The following CALN1 variants were observed in gnomAD, a reference collection of about 807,000 sequenced individuals.
CALN1 encodes calcium-binding protein 8.
Under a neutral mutation model 30.6 loss-of-function variants are expected in CALN1, and 17 were observed. The ratio of observed to expected loss-of-function variants is 0.56; its 90% CI spans 0.38 to 0.83. The LOEUF (loss-of-function observed/expected upper bound fraction) is 0.83. Among genes scored for constraint, CALN1 ranks in the 40% least tolerant of loss-of-function variants. The pLI is 0.00. For synonymous variants in CALN1, 156 were observed against 131.4 expected (o/e 1.19, Z -1.28); for missense variants, 291 against 354.9 (o/e 0.82, Z 1.45).
chr7:71,897,018 C>T (rs1456082473), intron 5 of CALN1, among the ~76,000 whole-genome samples: 1 of 152,136 alleles, frequency 6.6e-6, no homozygotes, highest in Non-Finnish European at 1.5e-5. Flanking sequence ...AGACCCCCAT[C>T]TCAGTCTAGC....
intron 5 of CALN1, among the ~76,000 whole-genome samples, chr7:71,921,501 G>T (rs1481579918): frequency 6.6e-6 from 1 of 151,886 alleles, no homozygotes; most frequent in Non-Finnish European, 1.5e-5. Context: ...CTGAAATATT[G>T]CAATTATATA....
chr7:71,879,643 C>G (rs1226333045), intron 5 of CALN1, among the ~76,000 whole-genome samples: 1 of 152,184 alleles, frequency 6.6e-6, no homozygotes, highest in Non-Finnish European at 1.5e-5. Context: ...GGAAAAGATA[C>G]TCTGAAGAGC....
chr7:71,893,739 G>C (rs1388723731), intron 5 of CALN1, among the ~76,000 whole-genome samples: 1 of 151,758 alleles, frequency 6.6e-6, no homozygotes, highest in African/African-American at 2.4e-5. Context: ...CAAACTCTGA[G>C]GCTATTCTCG....
intron 5 of CALN1, among the ~76,000 whole-genome samples, chr7:71,858,494 A>G (rs1227162951): frequency 6.8e-6 from 1 of 147,558 alleles, no homozygotes; most frequent in African/African-American, 2.7e-5. Flanking sequence ...GATAGCTACA[A>G]AGAGTAAAGA....
intron 4 of CALN1, among the ~76,000 whole-genome samples, chr7:72,038,292 T>G (rs888170359): frequency 6.6e-6 from 1 of 152,118 alleles, no homozygotes; most frequent in Non-Finnish European, 1.5e-5. Context: ...TCCTGGAAGT[T>G]TCAGGTCTCC....
chr7:72,400,190 C>A (rs1355929154), intron 2 of CALN1, among the ~76,000 whole-genome samples: 7 of 152,158 alleles, frequency 4.6e-5, no homozygotes, highest in African/African-American at 1.7e-4. Context: ...ATTCCCCCTC[C>A]CCATCTTCTG....
At chr7:72,406,041 A>T (rs564475872) in intron 1 of CALN1, among the ~76,000 whole-genome samples, 131 of 152,284 alleles carry the variant, frequency 8.6e-4, no homozygotes, top group Non-Finnish European at 1.4e-3. Context: ...CCCGTAAGGA[A>T]CAATCGCTCC....
intron 5 of CALN1, among the ~76,000 whole-genome samples, chr7:71,956,579 A>T (rs985914245): frequency 1.3e-5 from 2 of 151,482 alleles, no homozygotes; most frequent in Admixed American, 1.3e-4. Context: ...CTCCAGCCTC[A>T]GCCTCCCAAA....
chr7:72,280,613 T>C (rs1163371051), intron 2 of CALN1, among the ~76,000 whole-genome samples: 1 of 152,200 alleles, frequency 6.6e-6, no homozygotes, highest in Non-Finnish European at 1.5e-5. Context: ...TACTCTATCT[T>C]TTCCTTAAGG....
At chr7:71,863,058 G>A (rs1483747780) in intron 5 of CALN1, among the ~76,000 whole-genome samples, 1 of 151,954 alleles carries the variant, frequency 6.6e-6, no homozygotes, top group African/African-American at 2.4e-5. Context: ...CTAGGAGTTT[G>A]AGACCAGCCT....
chr7:72,280,672 C>G (rs1312589809), intron 2 of CALN1, among the ~76,000 whole-genome samples: 1 of 152,156 alleles, frequency 6.6e-6, no homozygotes, highest in Non-Finnish European at 1.5e-5. Flanking sequence ...TGAGTACGGA[C>G]TGATACCCAC....
Position 71,781,659 on chromosome 7 carries a change from A to G in CALN1, c.*6116T>C, listed in dbSNP as rs141893466. 50 of 152,356 alleles carry G rather than the reference A, an allele frequency of 3.3e-4. No individual in the cohort carries two copies. The highest frequency in any genetic ancestry group is 1.2e-3 in the African/African-American group (48 of 41,590). The allele number at this position is 152,356 out of a possible 1,614,324, so 9.4% of individuals were successfully genotyped here. A position where few individuals can be genotyped will look rare whatever the true frequency, so the allele number is the denominator to read the frequency against. On this transcript the variant is annotated 3_prime_UTR_variant, in exon 7 of 7. Coordinates refer to ENST00000395275, the MANE Select transcript of CALN1 (RefSeq NM_031468.4). Reference sequence around the variant, plus strand: ...TCCTTCCTAATTAGCCTGCTCTTCTATCCCACTGGAAAATTCCAGCCTCTG... The same window carrying G: ...TCCTTCCTAATTAGCCTGCTCTTCTGTCCCACTGGAAAATTCCAGCCTCTG...
At chr7:71,886,767 C>T (rs1792933543) in intron 5 of CALN1, among the ~76,000 whole-genome samples, 3 of 139,504 alleles carry the variant, frequency 2.2e-5, no homozygotes, top group Admixed American at 2.1e-4. Flanking sequence ...AAGTGAGACT[C>T]CATCTCAAAA....
intron 5 of CALN1, among the ~76,000 whole-genome samples, chr7:71,812,426 A>T (rs1227947036): frequency 6.6e-6 from 1 of 152,218 alleles, no homozygotes; most frequent in African/African-American, 2.4e-5. Flanking sequence ...CTGTAATACG[A>T]TAGCAAAACA....
intron 5 of CALN1, among the ~76,000 whole-genome samples, chr7:71,954,622 A>G (rs1796865094): frequency 6.6e-6 from 1 of 152,246 alleles, no homozygotes; most frequent in South Asian, 2.1e-4. Flanking sequence ...ACTGTACTCC[A>G]GCTTGAGTGA....
chr7:71,934,832 A>G (rs1795744912), intron 5 of CALN1, among the ~76,000 whole-genome samples: 1 of 152,208 alleles, frequency 6.6e-6, no homozygotes, highest in East Asian at 1.9e-4. Flanking sequence ...GGTGGAAGGC[A>G]AGGAGGAGCA....
At chr7:72,082,580 T>C (rs1584905398) in intron 4 of CALN1, among the ~76,000 whole-genome samples, 1 of 152,138 alleles carries the variant, frequency 6.6e-6, no homozygotes, top group Non-Finnish European at 1.5e-5. Flanking sequence ...GTGAGCAAAA[T>C]GTCAGCATGG....
At chr7:71,944,912 A>G (rs1489481413) in intron 5 of CALN1, among the ~76,000 whole-genome samples, 4 of 152,142 alleles carry the variant, frequency 2.6e-5, no homozygotes, top group Non-Finnish European at 4.4e-5. Flanking sequence ...CCTAGAGGTG[A>G]CTACACTGAA....
chr7:72,431,016 G>C (rs907732894), intron 1 of CALN1, among the ~76,000 whole-genome samples: 2 of 126,966 alleles, frequency 1.6e-5, no homozygotes, highest in Admixed American at 1.0e-4. Context: ...TGCAACCTCC[G>C]CCTCCCGGGT....
Sources: gnomAD v4.1 joint callset for allele counts (sites outside exome capture counted in the v4.1 genomes callset) on GRCh38, gnomAD v4.1.1 for gene constraint, MANE v1.5 for transcripts, NCBI Gene and HGNC (gene_info 2026-07-23, HGNC 2026-07-21) for gene names.